The following KAZN variants were observed in gnomAD, a reference collection of about 807,000 sequenced individuals.
KAZN encodes the protein kazrin.
Under a neutral mutation model 87.4 loss-of-function variants are expected in KAZN, and 40 were observed. That is an observed-to-expected ratio of 0.46 (90% CI 0.36 to 0.60). The LOEUF (loss-of-function observed/expected upper bound fraction) is 0.60, where lower values mean the gene tolerates loss of function less well. KAZN is among the 20% of genes least tolerant of loss of function. The pLI, the probability that KAZN is intolerant of heterozygous loss-of-function variation, is 0.00. For missense variants in KAZN, 898 were observed against 1,073.9 expected, an observed-to-expected ratio of 0.84 and a Z score of 2.29; for synonymous variants, 466 against 458.3, an observed-to-expected ratio of 1.02 and a Z score of -0.22.
chr1:14,679,635 A>C (rs1023230784), intron 1 of KAZN, among the ~76,000 whole-genome samples: 1 of 152,216 alleles, frequency 6.6e-6, no homozygotes, highest in Non-Finnish European at 1.5e-5. Context: ...ATGACCAATC[A>C]GGTGCCTTAC....
intron 1 of KAZN, among the ~76,000 whole-genome samples, chr1:14,018,923 G>A (rs2101238427): frequency 6.6e-6 from 1 of 152,234 alleles, no homozygotes; most frequent in Admixed American, 6.5e-5. Flanking sequence ...CTTGCAGATG[G>A]CCTGTCATGG....
At chr1:13,919,254 T>C (rs1020863392) in intron 1 of KAZN, among the ~76,000 whole-genome samples, 3 of 152,222 alleles carry the variant, frequency 2.0e-5, no homozygotes, top group Non-Finnish European at 4.4e-5. Context: ...CCTGACTTCT[T>C]CCAATATAGT....
intron 1 of KAZN, among the ~76,000 whole-genome samples, chr1:14,819,836 T>C (rs1287992921): frequency 1.3e-5 from 2 of 150,076 alleles, no homozygotes; most frequent in Non-Finnish European, 2.9e-5. Flanking sequence ...ACCTCCCGAG[T>C]AGCTGGGATT....
intron 1 of KAZN, chr1:13,893,786 A>G: frequency 6.5e-7 from 1 of 1,549,212 alleles, no homozygotes. Context: ...TCATGTGCCC[A>G]GAGAATGGGA....
At chr1:14,070,647 C>A (rs1266480901) in intron 1 of KAZN, among the ~76,000 whole-genome samples, 3 of 152,122 alleles carry the variant, frequency 2.0e-5, no homozygotes, top group African/African-American at 4.8e-5. Flanking sequence ...TGGGAACTTA[C>A]CATATATGTG....
intron 1 of KAZN, among the ~76,000 whole-genome samples, chr1:14,644,487 G>A (rs989744700): frequency 6.6e-6 from 1 of 150,978 alleles, no homozygotes; most frequent in African/African-American, 2.4e-5. Context: ...TCAGCCTCCC[G>A]AGTAGCTGGG....
At chr1:14,500,229 C>T (rs1670165598) in intron 2 of KAZN, among the ~76,000 whole-genome samples, 1 of 152,150 alleles carries the variant, frequency 6.6e-6, no homozygotes, top group Non-Finnish European at 1.5e-5. Context: ...GGCCACACCT[C>T]CCCTGGGAGA....
intron 2 of KAZN, among the ~76,000 whole-genome samples, chr1:15,033,152 T>C (rs1671900793): frequency 6.6e-6 from 1 of 152,172 alleles, no homozygotes; most frequent in African/African-American, 2.4e-5. Flanking sequence ...TGTGTGCAAA[T>C]ACTATGCCAT....
chr1:14,857,093 G>C (rs1011519343), intron 1 of KAZN, among the ~76,000 whole-genome samples: 1 of 152,180 alleles, frequency 6.6e-6, no homozygotes, highest in Admixed American at 6.5e-5. Flanking sequence ...CTTTGGACTC[G>C]GCGTCAGGTT....
chr1:14,987,917 A>G (rs1666989063), intron 2 of KAZN, among the ~76,000 whole-genome samples: 1 of 152,228 alleles, frequency 6.6e-6, no homozygotes, highest in Non-Finnish European at 1.5e-5. Context: ...AAGCCACAGG[A>G]CATGCTGGCA....
At chr1:14,089,383 T>C (rs1643923220) in intron 1 of KAZN, among the ~76,000 whole-genome samples, 1 of 152,134 alleles carries the variant, frequency 6.6e-6, no homozygotes, top group South Asian at 2.1e-4. Flanking sequence ...CTTTTCTTCT[T>C]GTGGATTAAT....
At chr1:14,613,663 C>T (rs1378002884) in intron 1 of KAZN, among the ~76,000 whole-genome samples, 5 of 152,204 alleles carry the variant, frequency 3.3e-5, no homozygotes, top group African/African-American at 1.2e-4. Context: ...ATGGTACATA[C>T]ATGCAAGAAA....
At chr1:14,357,743 T>C (rs1659159579) in intron 2 of KAZN, among the ~76,000 whole-genome samples, 1 of 152,252 alleles carries the variant, frequency 6.6e-6, no homozygotes, top group Admixed American at 6.5e-5. Flanking sequence ...TTGTGTATGT[T>C]GAACCAGCCT....
At chr1:15,030,694 C>T (rs572550389) in intron 2 of KAZN, among the ~76,000 whole-genome samples, 49 of 152,328 alleles carry the variant, frequency 3.2e-4, no homozygotes, top group Admixed American at 1.4e-3. Flanking sequence ...CCTGCAGGGC[C>T]CACCCGCTGC....
chr1:14,787,415 T>C (rs1207451096), intron 1 of KAZN, among the ~76,000 whole-genome samples: 1 of 152,222 alleles, frequency 6.6e-6, no homozygotes, highest in African/African-American at 2.4e-5. Flanking sequence ...GTCTTGACTC[T>C]GGAATCCCTG....
At position 14,643,013 on chromosome 1, in the gene KAZN, G is replaced by A. The variant is rs142152606; in HGVS notation, c.226+43790G>A. On this transcript the variant is annotated intron_variant, in intron 1 of 14. Coordinates refer to ENST00000376030, the MANE Select transcript of KAZN (RefSeq NM_201628.3). Reference sequence around the variant, plus strand: ...CATGTGACTCAGCAGCTGCATTCCCGGGTACATAAACCCCTGTGTTCACAC... The same window carrying A: ...CATGTGACTCAGCAGCTGCATTCCCAGGTACATAAACCCCTGTGTTCACAC... Among the ~76,000 whole-genome samples the A allele has an allele frequency of 2.4e-3, 358 of 152,254 alleles. 3 individuals are homozygous for A. Among genetic ancestry groups the A allele is most frequent in the African/African-American group, 8.0e-3 (331 of 41,550 alleles).
At chr1:15,079,538 C>A (rs1171360445) in intron 8 of KAZN, among the ~76,000 whole-genome samples, 1 of 152,078 alleles carries the variant, frequency 6.6e-6, no homozygotes, top group East Asian at 1.9e-4. Flanking sequence ...TTTCCTGAAA[C>A]CCACAGCCAT....
chr1:14,130,871 A>G (rs1222996524), intron 1 of KAZN, among the ~76,000 whole-genome samples: 2 of 95,650 alleles, frequency 2.1e-5, no homozygotes, highest in Non-Finnish European at 3.9e-5. Context: ...GGCAGGGGAA[A>G]CAATGATTAA....
At chr1:14,498,026 C>A (rs1299700508) in intron 2 of KAZN, among the ~76,000 whole-genome samples, 1 of 151,464 alleles carries the variant, frequency 6.6e-6, no homozygotes, top group Non-Finnish European at 1.5e-5. Context: ...TGTACTTTTA[C>A]AAGCTGCTTC....
Sources: allele counts gnomAD v4.1 joint callset (sites outside exome capture counted in the v4.1 genomes callset), GRCh38; gene constraint gnomAD v4.1.1; transcripts MANE v1.5; gene names NCBI Gene and HGNC (gene_info 2026-07-23, HGNC 2026-07-21).